SNRPB: variants seen among roughly 807,000 people sequenced by gnomAD.
SNRPB encodes the protein small nuclear ribonucleoprotein-associated proteins B and B'.
In SNRPB, 5 loss-of-function variants were observed where a neutral mutation model predicts 26.6. The observed-to-expected ratio is 0.19, with a 90% CI of 0.10 to 0.39. SNRPB has a LOEUF of 0.39. SNRPB is among the 10% of genes least tolerant of loss of function. SNRPB has a pLI of 1.00. For missense variants in SNRPB, 211 were observed against 311.9 expected, an observed-to-expected ratio of 0.68 and a Z score of 2.44; for synonymous variants, 122 against 105.8, an observed-to-expected ratio of 1.15 and a Z score of -0.94.
Position 2,463,602 on chromosome 20 carries a change from CTAGGGCCATGT to C in SNRPB, c.420+134_420+144del. ...GGCAACTTATCCTTTTCACTTGCTTCTAGGGCCATGTATAAACCACAGTGAAACACTGATAG... is the reference window on the plus strand; with the variant it reads ...GGCAACTTATCCTTTTCACTTGCTTCATAAACCACAGTGAAACACTGATAG... On this transcript the variant is annotated intron_variant, in intron 4 of 6. Coordinates refer to ENST00000381342, the MANE Select transcript of SNRPB (RefSeq NM_003091.4). This position sits in a 1 kb window ranked among gnomAD's most constrained non-coding sequence, Gnocchi z 5.0. 1 of 685,842 alleles carries C rather than the reference CTAGGGCCATGT, an allele frequency of 1.5e-6. No individual in the cohort carries two copies. The highest frequency in any genetic ancestry group is 2.6e-6 in the Non-Finnish European group (1 of 389,838). The allele number at this position is 685,842 out of a possible 1,614,324, so 42.5% of individuals were successfully genotyped here. A position where few individuals can be genotyped will look rare whatever the true frequency, so the allele number is the denominator to read the frequency against.
Position 2,462,579 on chromosome 20 carries a change from T to C in SNRPB, c.685+57A>G, listed in dbSNP as rs2122483351. On this transcript the variant is annotated intron_variant, in intron 6 of 6. Coordinates refer to ENST00000381342, the MANE Select transcript of SNRPB (RefSeq NM_003091.4). The stretch of plus-strand genomic sequence containing the variant: ...GATCTAAATGCAATCTTCCCTCCAT[T>C]TCCTATCCCACTAGGCTCTAGGGAA... 2.7e-6 allele frequency: 4 copies of C among 1,487,824 alleles called. No homozygotes were observed. In the East Asian group the frequency reaches 9.1e-5, roughly 34 times the overall value. 92.2% of individuals were successfully genotyped at this position (1,487,824 alleles called of 1,614,324 possible).
At chr20:2,469,700 AT>A (rs2085099898) in intron 1 of SNRPB, among the ~76,000 whole-genome samples, 1 of 152,182 alleles carries the variant, frequency 6.6e-6, no homozygotes, top group African/African-American at 2.4e-5. Context: ...TCTCAAAAAA[AT>A]AAAAATAAAT....
intron 3 of SNRPB, among the ~76,000 whole-genome samples, chr20:2,464,856 G>A (rs954520914): frequency 5.5e-5 from 8 of 146,010 alleles, no homozygotes; most frequent in East Asian, 2.0e-4. Context: ...GCGACAGAGC[G>A]AGACTCCATC....
rs753176593 is a variant in SNRPB at position 2,470,734 on chromosome 20, T to C, written c.-44A>G. 1.2e-6 allele frequency: 2 copies of C among 1,609,970 alleles called. No individual in the cohort carries two copies. Among genetic ancestry groups the C allele is most frequent in the South Asian group, 2.2e-5 (2 of 91,008 alleles). On this transcript the variant is annotated 5_prime_UTR_variant, in exon 1 of 7. Coordinates refer to ENST00000381342, the MANE Select transcript of SNRPB (RefSeq NM_003091.4). ...TCTGATACCCGCCGGATTCGCCTCC[T>C]CAGAGGCCTAGCCTCTCTCCCACAG...
At chr20:2,469,585 TGGGA>T (rs1345980562) in intron 1 of SNRPB, among the ~76,000 whole-genome samples, 1 of 152,024 alleles carries the variant, frequency 6.6e-6, no homozygotes, top group Non-Finnish European at 1.5e-5. Context: ...CCCAGCTACT[TGGGA>T]GGCTGAGGCA....
At position 2,465,292 on chromosome 20, in the gene SNRPB, C is replaced by T. The variant is rs2085064434; in HGVS notation, c.267+416G>A. Among the ~76,000 whole-genome samples, 5 of 152,282 alleles carry T rather than the reference C, an allele frequency of 3.3e-5. No individual in the cohort carries two copies. In the South Asian group the frequency reaches 1.0e-3, roughly 32 times the overall value. On this transcript the variant is annotated intron_variant, in intron 3 of 6. Transcript: ENST00000381342. ...TGGCTTCAGGTGCTTCCTCCACTGA[C>T]TCACTATGTACATCAACTGAGAAAC...
intron 1 of SNRPB, among the ~76,000 whole-genome samples, chr20:2,470,469 G>A (rs1476204096): frequency 6.6e-6 from 1 of 152,240 alleles, no homozygotes; most frequent in African/African-American, 2.4e-5. Flanking sequence ...CCCCTGCCGA[G>A]CGACCTCGGC....
rs2143862 is a variant in SNRPB, at chr20:2,462,795, G to A, written c.560-34C>T. The A allele has an allele frequency of 0.13, 199,484 of 1,495,844 alleles. 15,025 individuals carry two copies. Among genetic ancestry groups the A allele is most frequent in the East Asian group, 0.25 (10,638 of 43,138 alleles). 92.7% of individuals were successfully genotyped at this position (1,495,844 alleles called of 1,614,324 possible). A position where few individuals can be genotyped will look rare whatever the true frequency, so the allele number is the denominator to read the frequency against. On this transcript the variant is annotated intron_variant, in intron 5 of 6. Transcript: ENST00000381342. ...GAAAAGCCCCAAGAATATAGCTCAAGTGTCTATCTTGAAAAGGTAGCAAAA... is the reference window on the plus strand; with the variant it reads ...GAAAAGCCCCAAGAATATAGCTCAAATGTCTATCTTGAAAAGGTAGCAAAA...
chr20:2,463,550 T>G lies in SNRPB; in HGVS notation c.420+197A>C, dbSNP rs1380398000. On this transcript the variant is annotated intron_variant, in intron 4 of 6. Transcript: ENST00000381342. This position sits in a 1 kb window ranked among gnomAD's most constrained non-coding sequence, Gnocchi z 5.0. ...TACAGTTGGCTAATTCGTACATCTC[T>G]TTAATAGCATCAACATAATTTACAA... Among the ~76,000 whole-genome samples the G allele has an allele frequency of 6.6e-6, 1 of 152,258 alleles. No homozygotes were observed. Among genetic ancestry groups the G allele is most frequent in the Admixed American group, 6.5e-5 (1 of 15,284 alleles).
chr20:2,461,704 A>C lies in SNRPB; in HGVS notation c.*225T>G. ...TAGGCCACAAGGAGATAAAAGGACT[A>C]TGTACAGCCTTACGGGAAACAGGCA... On this transcript the variant is annotated 3_prime_UTR_variant, in exon 7 of 7. Coordinates refer to ENST00000381342, the MANE Select transcript of SNRPB (RefSeq NM_003091.4). 1 of 1,325,048 alleles carries C rather than the reference A, an allele frequency of 7.5e-7. No individual in the cohort carries two copies. The highest frequency in any genetic ancestry group is 1.0e-6 in the Non-Finnish European group (1 of 953,410). 82.1% of individuals were successfully genotyped at this position (1,325,048 alleles called of 1,614,324 possible). A position where few individuals can be genotyped will look rare whatever the true frequency, so the allele number is the denominator to read the frequency against.
intron 3 of SNRPB, among the ~76,000 whole-genome samples, chr20:2,464,252 C>T (rs1210696125): frequency 6.6e-6 from 1 of 152,180 alleles, no homozygotes; most frequent in Non-Finnish European, 1.5e-5. Context: ...GATTCTAATC[C>T]GCTAGGTGAC....
chr20:2,467,797 T>C lies in SNRPB; in HGVS notation c.4-39A>G. 3.7e-6 allele frequency: 6 copies of C among 1,601,686 alleles called. No homozygotes were observed. The South Asian group carries it at 4.4e-5, about 12-fold the overall frequency. On this transcript the variant is annotated intron_variant, in intron 1 of 6. Coordinates refer to ENST00000381342, the MANE Select transcript of SNRPB (RefSeq NM_003091.4). Reference sequence around the variant, plus strand: ...TGGACAGGGATGAGACTCTGCTCTTTTGGACCCAAGCACCTCTGGCCCTCC... The same window carrying C: ...TGGACAGGGATGAGACTCTGCTCTTCTGGACCCAAGCACCTCTGGCCCTCC...
rs940184317 is a variant in SNRPB, at chr20:2,461,654, A to C, written c.*275T>G. 15 of 770,130 alleles carry C rather than the reference A, an allele frequency of 1.9e-5. No individual in the cohort carries two copies. In the African/African-American group the frequency reaches 2.5e-4, roughly 13 times the overall value. The allele number at this position is 770,130 out of a possible 1,614,324, so 47.7% of individuals were successfully genotyped here. ...ATAGGTGCAATTATAATGTTCTCTT[A>C]AGAGTTTATTATAAACCAGTTTCAT... On this transcript the variant is annotated 3_prime_UTR_variant, in exon 7 of 7. Transcript: ENST00000381342.
Position 2,462,760 on chromosome 20 carries a change from G to A in SNRPB, c.561C>T (p.Gly187=). 1.3e-6 allele frequency: 2 copies of A among 1,530,864 alleles called. No homozygotes were observed. The highest frequency in any genetic ancestry group is 1.8e-6 in the Non-Finnish European group (2 of 1,142,240). The allele number at this position is 1,530,864 out of a possible 1,614,324, so 94.8% of individuals were successfully genotyped here. A position where few individuals can be genotyped will look rare whatever the true frequency, so the allele number is the denominator to read the frequency against. Residue 187 remains glycine (G), a splice_region_variant and synonymous_variant, in exon 6 of 7, where the codon GGC becomes GGT. Coordinates refer to ENST00000381342, the MANE Select transcript of SNRPB (RefSeq NM_003091.4). ...PPMGRGAPPP[G]MMGPPPGMRP... The stretch of plus-strand genomic sequence containing the variant: ...TCATACCAGGAGGTGGGCCCATCAT[G>A]CCTGCAAGAGAAAAGCCCCAAGAAT...
At position 2,463,127 on chromosome 20, in the gene SNRPB, C is replaced by A. The variant is rs1412180823; in HGVS notation, c.521G>T (p.Gly174Val). ...TCCTCGGCCCATAGGTGGGGGAGGA[C>A]CCCCACGGCCAGGTGGGTACTGGGT... ...APTQYPPGRGGPPPPMGRGAP... is the reference protein window; with the variant it reads ...APTQYPPGRGVPPPPMGRGAP... The change falls in exon 5 of 7, where the codon GGT becomes GTT. Residue 174 changes from glycine (G) to valine (V), a missense_variant. By Grantham distance (109) the Gly-to-Val change is moderately radical. Coordinates refer to ENST00000381342, the MANE Select transcript of SNRPB (RefSeq NM_003091.4). The surrounding 1 kb of genome is among the most constrained non-coding windows in gnomAD (Gnocchi z 5.0). 1 of 1,603,846 alleles carries A rather than the reference C, an allele frequency of 6.2e-7. No individual in the cohort carries two copies. The highest frequency in any genetic ancestry group is 2.2e-5 in the East Asian group (1 of 44,792).
At chr20:2,466,508 G>A (rs533108531) in intron 2 of SNRPB, among the ~76,000 whole-genome samples, 1 of 151,966 alleles carries the variant, frequency 6.6e-6, no homozygotes, top group South Asian at 2.1e-4. Flanking sequence ...AAAATAAAGG[G>A]GAAAAAATAG....
chr20:2,466,927 T>A (rs1404131938), intron 2 of SNRPB, among the ~76,000 whole-genome samples: 1 of 152,174 alleles, frequency 6.6e-6, no homozygotes, highest in African/African-American at 2.4e-5. Context: ...CAGAATAATA[T>A]GGACACTGCA....
Position 2,461,939 on chromosome 20 carries a change from C to T in SNRPB, c.686G>A (p.Gly229Asp), listed in dbSNP as rs1393508265. Reference sequence around the variant, plus strand: ...CTCTGTGGCCAAGGGTCAAAGAAGGCCTGAAGTAAGAGTAAGAAGTTTAGT... The same window carrying T: ...CTCTGTGGCCAAGGGTCAAAGAAGGTCTGAAGTAAGAGTAAGAAGTTTAGT... Reference protein sequence around the residue: ...GMRPPPPGMRGLL With the variant: ...GMRPPPPGMRDLL Residue 229 changes from glycine to aspartate, a missense_variant and splice_region_variant, in exon 7 of 7, where the codon GGC (glycine) becomes GAC (aspartate). Transcript: ENST00000381342. 6.2e-7 allele frequency: 1 copy of T among 1,610,288 alleles called. No homozygotes were observed. Among genetic ancestry groups the T allele is most frequent in the South Asian group, 1.1e-5 (1 of 90,764 alleles).
In SNRPB at chr20:2,465,723, T is replaced by C. The variant is rs8124999; in HGVS notation, c.252A>G (p.Gly84=). Residue 84 remains glycine (G), a synonymous_variant, in exon 3 of 7, where the codon GGA becomes GGG. Coordinates refer to ENST00000381342, the MANE Select transcript of SNRPB (RefSeq NM_003091.4). ...TCTGACTTACATCTTTGGGAGGAGG[T>C]CCCTCTACTGTCATTGAGACCAGAT... ...GENLVSMTVE[G]PPPKDTGIAR... 9 of 1,611,268 alleles carry C rather than the reference T, an allele frequency of 5.6e-6. No individual in the cohort carries two copies. The African/African-American group carries it at 6.7e-5, about 12-fold the overall frequency.
Sources: allele counts gnomAD v4.1 joint callset (sites outside exome capture counted in the v4.1 genomes callset), GRCh38; gene constraint gnomAD v4.1.1; non-coding constraint Gnocchi (gnomAD v3.1); transcripts MANE v1.5; gene names NCBI Gene and HGNC (gene_info 2026-07-23, HGNC 2026-07-21).